The following ARHGEF28 variants were observed in gnomAD, a reference collection of about 807,000 sequenced individuals.
ARHGEF28 encodes the protein Rho guanine nucleotide exchange factor 28, also known as 190 kDa guanine nucleotide exchange factor.
Under a neutral mutation model 206.6 loss-of-function variants are expected in ARHGEF28, and 152 were observed. The ratio of observed to expected loss-of-function variants is 0.74; its 90% confidence interval spans 0.64 to 0.84. ARHGEF28 has a LOEUF of 0.84. ARHGEF28 is among the 40% of genes least tolerant of loss of function. The pLI is 0.00. For synonymous variants in ARHGEF28, 763 were observed against 776.4 expected (o/e 0.98, Z 0.29); for missense variants, 2,028 against 2,073.2 (o/e 0.98, Z 0.42).
chr5:73,762,618 A>C (rs1319794620), intron 4 of ARHGEF28, among the ~76,000 whole-genome samples: 1 of 152,194 alleles, frequency 6.6e-6, no homozygotes, highest in African/African-American at 2.4e-5. Context: ...ATTTTTAAAA[A>C]GTAGTCCCCA....
intron 1 of ARHGEF28, among the ~76,000 whole-genome samples, chr5:73,633,178 A>G (rs1029603550): frequency 1.3e-5 from 2 of 152,148 alleles, no homozygotes; most frequent in South Asian, 2.1e-4. Flanking sequence ...AAAGTGAACG[A>G]TGGGGAGCAG....
intron 2 of ARHGEF28, among the ~76,000 whole-genome samples, chr5:73,692,955 C>A (rs1455393129): frequency 6.6e-6 from 1 of 152,154 alleles, no homozygotes; most frequent in African/African-American, 2.4e-5. Flanking sequence ...TGGCCTCATG[C>A]CCATCAACTC....
At chr5:73,926,602 C>T (rs1303970206) in intron 35 of ARHGEF28, among the ~76,000 whole-genome samples, 4 of 152,186 alleles carry the variant, frequency 2.6e-5, no homozygotes, top group Non-Finnish European at 5.9e-5. Flanking sequence ...CCACAGACTC[C>T]ACCCAGAAGG....
chr5:73,819,614 G>A (rs907072709), intron 9 of ARHGEF28, among the ~76,000 whole-genome samples: 1 of 152,180 alleles, frequency 6.6e-6, no homozygotes, highest in Non-Finnish European at 1.5e-5. Context: ...CCTGTAGTAG[G>A]AGGAAATACT....
intron 31 of ARHGEF28, 146 bp from the exon 32 acceptor site, chr5:73,904,076 G>A (rs981482229): frequency 9.7e-6 from 7 of 723,808 alleles, no homozygotes; most frequent in African/African-American, 3.5e-5. Context: ...TTTTATTTCT[G>A]GGAGGAAACT....
At chr5:73,802,824 A>C (rs1755215920) in intron 9 of ARHGEF28, among the ~76,000 whole-genome samples, 1 of 152,024 alleles carries the variant, frequency 6.6e-6, no homozygotes, top group South Asian at 2.1e-4. Context: ...TTTACAAAAA[A>C]AAAAATTACA....
chr5:73,882,013 G>C (rs1354925195), intron 22 of ARHGEF28, among the ~76,000 whole-genome samples: 1 of 152,072 alleles, frequency 6.6e-6, no homozygotes, highest in African/African-American at 2.4e-5. Context: ...TCATTAGCCA[G>C]TGTAAATGCC....
intron 7 of ARHGEF28, among the ~76,000 whole-genome samples, chr5:73,793,992 CAT>C (rs150340736): frequency 6.6e-6 from 1 of 152,214 alleles, no homozygotes; most frequent in East Asian, 1.9e-4. Context: ...TCTTTTAAAA[CAT>C]ATTGAAATCT....
chr5:73,819,260 T>C (rs957326569), intron 9 of ARHGEF28, among the ~76,000 whole-genome samples: 3 of 152,230 alleles, frequency 2.0e-5, no homozygotes, highest in Non-Finnish European at 4.4e-5. Flanking sequence ...TTTTGCGTGC[T>C]TAGTACGTTT....
chr5:73,650,371 G>A (rs774104883), intron 1 of ARHGEF28, among the ~76,000 whole-genome samples: 37 of 136,718 alleles, frequency 2.7e-4, no homozygotes, highest in Non-Finnish European at 3.9e-4. Context: ...TGCAACTTCC[G>A]CCTCTTGGGT....
intron 2 of ARHGEF28, among the ~76,000 whole-genome samples, chr5:73,730,052 G>A (rs925262210): frequency 1.1e-4 from 16 of 152,186 alleles, no homozygotes; most frequent in Admixed American, 3.9e-4. Context: ...TGAATATATC[G>A]CCATCTAATT....
rs550057393 is a variant in ARHGEF28, at chr5:73,804,421, C to G, written c.1024+9030C>G. On this transcript the variant is annotated intron_variant, in intron 9 of 35. Transcript: ENST00000513042. ...AAAATCAATGGAGCTTAATGCAGGACTTGAATTCTACATATGTGAATGTGG... is the reference window on the plus strand; with the variant it reads ...AAAATCAATGGAGCTTAATGCAGGAGTTGAATTCTACATATGTGAATGTGG... Among the ~76,000 whole-genome samples the G allele has an allele frequency of 2.0e-5, 3 of 152,146 alleles. No individual in the cohort carries two copies. In the East Asian group the frequency reaches 5.8e-4, roughly 29 times the overall value.
At chr5:73,836,035 T>C (rs752252402) in intron 10 of ARHGEF28, among the ~76,000 whole-genome samples, 4 of 122,120 alleles carry the variant, frequency 3.3e-5, no homozygotes, top group Non-Finnish European at 5.8e-5. Context: ...TGCCACATTT[T>C]CTTTATTCAT....
intron 2 of ARHGEF28, among the ~76,000 whole-genome samples, chr5:73,745,645 A>G (rs887706321): frequency 1.8e-4 from 28 of 152,170 alleles, no homozygotes; most frequent in African/African-American, 6.7e-4. Context: ...TTTCTGCTCT[A>G]CATTTGTGAT....
chr5:73,762,471 AAAAAC>A (rs1471061208), intron 4 of ARHGEF28, among the ~76,000 whole-genome samples: 2 of 151,182 alleles, frequency 1.3e-5, no homozygotes, highest in African/African-American at 4.9e-5. Context: ...AAAAAAAAAA[AAAAAC>A]AAAACAACAA....
At chr5:73,858,614 A>G (rs575634618) in intron 16 of ARHGEF28, among the ~76,000 whole-genome samples, 8 of 152,062 alleles carry the variant, frequency 5.3e-5, no homozygotes, top group Non-Finnish European at 1.0e-4. Context: ...TCCATCAACA[A>G]TCCTCTTGGC....
At chr5:73,719,428 A>G (rs1749789229) in intron 2 of ARHGEF28, among the ~76,000 whole-genome samples, 1 of 151,766 alleles carries the variant, frequency 6.6e-6, no homozygotes, top group South Asian at 2.1e-4. Flanking sequence ...AAAAAAAAAA[A>G]AGACACCATG....
intron 2 of ARHGEF28, among the ~76,000 whole-genome samples, chr5:73,741,248 A>C (rs11746513): frequency 0.32 from 48,766 of 150,862 alleles, 8,277 homozygotes; most frequent in African/African-American, 0.42. Context: ...TCTTTTACTT[A>C]GTTCTGCTGT....
In ARHGEF28 at chr5:73,846,350, C is replaced by T; in HGVS notation, c.1510C>T (p.Gln504Ter). The change falls in exon 12 of 36, where the codon CAG becomes TAG. Residue 504 changes from glutamine (Q) to a stop codon, truncating the protein, a stop_gained. Transcript: ENST00000513042. LOFTEE classifies it high-confidence loss of function. ...PSHICYTPGSQSSSRTGIPSG... is the reference protein window; with the variant it reads ...PSHICYTPGS ...CCACATCTGTTACACTCCAGGGTCT[C>T]AGAGCTCCTCAAGAACTGGGATTCC... is the stretch of plus-strand genomic sequence containing the variant. 6.2e-7 allele frequency: 1 copy of T among 1,613,894 alleles called. No individual in the cohort carries two copies. The highest frequency in any genetic ancestry group is 8.5e-7 in the Non-Finnish European group (1 of 1,179,836).
Sources: gnomAD v4.1 joint callset for allele counts (sites outside exome capture counted in the v4.1 genomes callset) on GRCh38, gnomAD v4.1.1 for gene constraint, MANE v1.5 for transcripts, NCBI Gene and HGNC (gene_info 2026-07-23, HGNC 2026-07-21) for gene names.